Variants in GRID2 observed in about 807,000 individuals in gnomAD.
GRID2 encodes the protein glutamate receptor ionotropic, delta-2.
GRID2 carries 33 observed loss-of-function variants against 114.8 expected under a neutral mutation model. The ratio of observed to expected loss-of-function variants is 0.29; its 90% CI spans 0.22 to 0.38. GRID2 has a LOEUF of 0.38. Ranked by LOEUF, GRID2 falls within the 10% of genes least tolerant of loss-of-function variation. The pLI is 1.00. For synonymous variants in GRID2, 505 were observed against 449.9 expected (o/e 1.12, Z -1.55); for missense variants, 1,184 against 1,257.7 (o/e 0.94, Z 0.89).
At chr4:93,018,147 T>G (rs1200323830) in intron 2 of GRID2, among the ~76,000 whole-genome samples, 5 of 151,480 alleles carry the variant, frequency 3.3e-5, no homozygotes, top group Non-Finnish European at 7.4e-5. Context: ...TGGGAGATAC[T>G]GAGAACAAAA....
rs1560941854 is a variant in GRID2 at position 93,163,390 on chromosome 4, A to ATG, written c.736-44013_736-44012insGT. Among the ~76,000 whole-genome samples the ATG allele has an allele frequency of 1.9e-3, 76 of 40,750 alleles. 1 individual carries two copies. The highest frequency in any genetic ancestry group is 8.4e-3 in the African/African-American group (73 of 8,674). 26.7% of individuals were successfully genotyped at this position (40,750 alleles called of 152,430 possible). On this transcript the variant is annotated intron_variant, in intron 4 of 15. Transcript: ENST00000282020. ...TATATATATATATATATATATATATATATATATATACACTATATATATACA... is the reference window on the plus strand; with the variant it reads ...TATATATATATATATATATATATATATGTATATATATACACTATATATATACA...
chr4:92,775,417 T>G (rs1738745135), intron 2 of GRID2, among the ~76,000 whole-genome samples: 3 of 152,290 alleles, frequency 2.0e-5, no homozygotes, highest in Admixed American at 2.0e-4. Flanking sequence ...GAGTCTCAGA[T>G]CAGTCATCTC....
intron 2 of GRID2, among the ~76,000 whole-genome samples, chr4:92,666,522 A>G (rs554375789): frequency 1.3e-5 from 2 of 151,482 alleles, no homozygotes; most frequent in African/African-American, 2.4e-5. Context: ...TAATATGGCA[A>G]ATTTGGAACT....
At position 93,773,042 on chromosome 4, in the gene GRID2, T is replaced by C. The variant is rs1432539465; in HGVS notation, c.*544T>C. The stretch of plus-strand genomic sequence containing the variant: ...AGGCCACATAAGATGAGAATGCAAT[T>C]TTGTAGGATTACAAAAAAGCCATTA... On this transcript the variant is annotated 3_prime_UTR_variant, in exon 16 of 16. Transcript: ENST00000282020. 6.6e-6 allele frequency: 1 copy of C among 152,214 alleles called. No homozygotes were observed. The highest frequency in any genetic ancestry group is 1.5e-5 in the Non-Finnish European group (1 of 68,080). The allele number at this position is 152,214 out of a possible 1,614,324, so 9.4% of individuals were successfully genotyped here. A position where few individuals can be genotyped will look rare whatever the true frequency, so the allele number is the denominator to read the frequency against.
intron 2 of GRID2, among the ~76,000 whole-genome samples, chr4:92,871,928 G>C (rs1224295489): frequency 6.6e-6 from 1 of 152,194 alleles, no homozygotes; most frequent in South Asian, 2.1e-4. Flanking sequence ...GAGAGAGTAA[G>C]TCCTATTCAA....
intron 2 of GRID2, among the ~76,000 whole-genome samples, chr4:92,629,237 A>C (rs907632884): frequency 1.3e-5 from 2 of 152,118 alleles, no homozygotes; most frequent in African/African-American, 4.8e-5. Context: ...GAAAAAGGTC[A>C]GTCCTATGTC....
At chr4:93,354,656 C>T (rs1560531762) in intron 8 of GRID2, among the ~76,000 whole-genome samples, 1 of 143,120 alleles carries the variant, frequency 7.0e-6, no homozygotes, top group Non-Finnish European at 1.5e-5. Context: ...ATTTACTCCC[C>T]TGGGGTGGCT....
At chr4:93,464,791 T>C (rs1580161060) in intron 11 of GRID2, among the ~76,000 whole-genome samples, 1 of 152,314 alleles carries the variant, frequency 6.6e-6, no homozygotes, top group East Asian at 1.9e-4. Context: ...CCAAAATTTA[T>C]AGAGTCTCTT....
chr4:92,359,064 A>G (rs182294494), intron 1 of GRID2, among the ~76,000 whole-genome samples: 86 of 150,376 alleles, frequency 5.7e-4, no homozygotes, highest in African/African-American at 2.0e-3. Context: ...TTGTAGTTAA[A>G]TTTTTTAGTA....
chr4:93,259,947 C>A (rs762487211), intron 8 of GRID2, among the ~76,000 whole-genome samples: 1 of 151,716 alleles, frequency 6.6e-6, no homozygotes, highest in African/African-American at 2.4e-5. Flanking sequence ...ATTTTTTAAA[C>A]ATAGCTTATT....
At chr4:92,782,444 A>G (rs1491002782) in intron 2 of GRID2, among the ~76,000 whole-genome samples, 1 of 152,098 alleles carries the variant, frequency 6.6e-6, no homozygotes. Flanking sequence ...GTTTCTTTAT[A>G]TTATATACAT....
rs919321288 is a variant in GRID2 at position 93,145,428 on chromosome 4, ATTTT to A, written c.735+34478_735+34481del. On this transcript the variant is annotated intron_variant, in intron 4 of 15. Transcript: ENST00000282020. Reference sequence around the variant, plus strand: ...CTCTTAATTTGTTTTCATTTTAATTATTTTTTATTTATTTATTTGTATTTGTATT... The same window carrying A: ...CTCTTAATTTGTTTTCATTTTAATTATTATTTATTTATTTGTATTTGTATT... 4.7e-5 allele frequency among the ~76,000 whole-genome samples: 7 copies of A among 150,336 alleles called. No homozygotes were observed. In the South Asian group the frequency reaches 8.3e-4, roughly 18 times the overall value.
In GRID2 at chr4:93,389,272, C is replaced by G. The variant is rs1442934392; in HGVS notation, c.1246-6335C>G. 4.6e-5 allele frequency among the ~76,000 whole-genome samples: 7 copies of G among 152,050 alleles called. No homozygotes were observed. In the South Asian group the frequency reaches 6.2e-4, roughly 14 times the overall value. ...AATAGAAGAGAAGAAAATCCAGCAA[C>G]TTTTATCAGGTTGTAATAATTAAAT... is the stretch of plus-strand genomic sequence containing the variant. On this transcript the variant is annotated intron_variant, in intron 8 of 15. Transcript: ENST00000282020.
chr4:92,978,464 A>G (rs1578659759), intron 2 of GRID2, among the ~76,000 whole-genome samples: 1 of 152,264 alleles, frequency 6.6e-6, no homozygotes, highest in African/African-American at 2.4e-5. Flanking sequence ...CTATTTGGTC[A>G]AGAAACTTAT....
chr4:92,524,692 A>G (rs1724961545), intron 1 of GRID2, among the ~76,000 whole-genome samples: 1 of 151,930 alleles, frequency 6.6e-6, no homozygotes, highest in Non-Finnish European at 1.5e-5. Flanking sequence ...AACCTAACAT[A>G]TTCACAGTGG....
chr4:92,636,124 C>T (rs550318491), intron 2 of GRID2, among the ~76,000 whole-genome samples: 1 of 151,976 alleles, frequency 6.6e-6, no homozygotes, highest in African/African-American at 2.4e-5. Context: ...TTAGTGGATA[C>T]TGATTTTACT....
At chr4:93,342,892 C>T (rs1255775953) in intron 8 of GRID2, among the ~76,000 whole-genome samples, 1 of 151,996 alleles carries the variant, frequency 6.6e-6, no homozygotes, top group Non-Finnish European at 1.5e-5. Context: ...ATTTATGCAT[C>T]AAGAAAAGGG....
intron 10 of GRID2, among the ~76,000 whole-genome samples, chr4:93,436,991 A>G (rs1721147589): frequency 6.6e-6 from 1 of 152,114 alleles, no homozygotes; most frequent in Admixed American, 6.6e-5. Context: ...ATATGCTTGG[A>G]ATTATTTTAT....
At chr4:93,616,489 G>T (rs964314885) in intron 13 of GRID2, among the ~76,000 whole-genome samples, 1 of 149,704 alleles carries the variant, frequency 6.7e-6, no homozygotes, top group African/African-American at 2.4e-5. Context: ...GGAGGCTGCA[G>T]TGGTCTCAGA....
Sources: allele counts gnomAD v4.1 joint callset (sites outside exome capture counted in the v4.1 genomes callset), GRCh38; gene constraint gnomAD v4.1.1; transcripts MANE v1.5; gene names NCBI Gene and HGNC (gene_info 2026-07-23, HGNC 2026-07-21).